Variants in EIF4G3 observed in about 807,000 individuals in gnomAD.
EIF4G3 encodes eukaryotic translation initiation factor 4 gamma 3.
A neutral mutation model predicts 186.4 loss-of-function variants in EIF4G3; 34 were observed. The ratio of observed to expected loss-of-function variants is 0.18; its 90% CI spans 0.14 to 0.24. The LOEUF is 0.24. EIF4G3 is among the 10% of genes least tolerant of loss of function. The pLI is 1.00. For synonymous variants in EIF4G3, 673 were observed against 679.5 expected, an observed-to-expected ratio of 0.99 and a Z score of 0.15; for missense variants, 1,536 against 1,948.5, an observed-to-expected ratio of 0.79 and a Z score of 3.99.
At chr1:20,813,511 G>A (rs1300293751) in intron 34 of EIF4G3, among the ~76,000 whole-genome samples, 1 of 151,488 alleles carries the variant, frequency 6.6e-6, no homozygotes, top group African/African-American at 2.4e-5. Flanking sequence ...TGAGGCTGCA[G>A]TAAGCAATGA....
In EIF4G3 at chr1:20,950,104, G is replaced by A. The variant is rs2096139299; in HGVS notation, c.722C>T (p.Pro241Leu). 7 of 1,584,302 alleles carry A rather than the reference G, an allele frequency of 4.4e-6. No homozygotes were observed. The highest frequency in any genetic ancestry group is 1.4e-5 in the African/African-American group (1 of 73,070). ...AGGGCTGTGCTCGGGGACCTGGCTG[G>A]GCAGCTGCTGGGATTTGAAGTACAA... ...TSTPTPPQQL[P>L]SQVPEHSPVV... The change falls in exon 13 of 37, where the codon CCC (proline) becomes CTC (leucine). Residue 241 changes from proline to leucine, a missense_variant. Pro to Leu is a moderately conservative substitution (Grantham distance 98, BLOSUM62 -3). Coordinates refer to ENST00000602326, the MANE Select transcript of EIF4G3 (RefSeq NM_001391906.1).
At chr1:20,860,938 A>C (rs2076184235) in intron 23 of EIF4G3, among the ~76,000 whole-genome samples, 1 of 152,242 alleles carries the variant, frequency 6.6e-6, no homozygotes, top group African/African-American at 2.4e-5. Flanking sequence ...TACTACTCAG[A>C]TCATATCACA....
chr1:20,826,582 C>T (rs1432970192), intron 32 of EIF4G3, among the ~76,000 whole-genome samples: 4 of 146,946 alleles, frequency 2.7e-5, no homozygotes, highest in African/African-American at 5.0e-5. Flanking sequence ...CTCTGCCTCC[C>T]GGGTTCAAGC....
At chr1:21,156,772 T>C (rs1234720262) in intron 2 of EIF4G3, among the ~76,000 whole-genome samples, 4 of 152,092 alleles carry the variant, frequency 2.6e-5, no homozygotes, top group African/African-American at 4.8e-5. Flanking sequence ...AGCAAAACCT[T>C]GGAAAACCTT....
intron 17 of EIF4G3, 112 bp downstream of exon 17, chr1:20,895,256 C>T: frequency 1.7e-6 from 2 of 1,202,502 alleles, no homozygotes; most frequent in Admixed American, 2.4e-5. Context: ...GATATTTTTA[C>T]ATCATTTGGT....
In EIF4G3 at chr1:21,176,366, C is replaced by G; in HGVS notation, c.-455-8G>C. ...CTGCTGCAGTCGCTGTGCCTGATTT[C>G]AGAGCCGGTTTCTGCGGTAAACTCA... On this transcript the variant is annotated splice_region_variant and splice_polypyrimidine_tract_variant and intron_variant, in intron 1 of 36. Transcript: ENST00000602326. 1 of 258,114 alleles carries G rather than the reference C, an allele frequency of 3.9e-6. No homozygotes were observed. The highest frequency in any genetic ancestry group is 7.2e-6 in the Non-Finnish European group (1 of 139,488). The allele number at this position is 258,114 out of a possible 1,614,324, so 16.0% of individuals were successfully genotyped here. A position where few individuals can be genotyped will look rare whatever the true frequency, so the allele number is the denominator to read the frequency against.
intron 4 of EIF4G3, 104 bp downstream of exon 4, chr1:21,050,757 TTACTA>T: frequency 3.3e-6 from 2 of 611,114 alleles, no homozygotes; most frequent in Non-Finnish European, 5.8e-6. Flanking sequence ...AAACTTGAAA[TTACTA>T]TACAAGTAAT....
At chr1:20,997,048 T>A (rs1175918014) in intron 7 of EIF4G3, among the ~76,000 whole-genome samples, 1 of 152,174 alleles carries the variant, frequency 6.6e-6, no homozygotes, top group Non-Finnish European at 1.5e-5. Context: ...TAAAGTTATT[T>A]AAATTAATTA....
intron 2 of EIF4G3, among the ~76,000 whole-genome samples, chr1:21,113,780 C>T (rs2096769618): frequency 6.6e-6 from 1 of 152,128 alleles, no homozygotes. Context: ...CTTTGGGAGG[C>T]TGAGGCAGGA....
At chr1:21,013,037 T>C (rs2087671455) in intron 4 of EIF4G3, among the ~76,000 whole-genome samples, 1 of 152,060 alleles carries the variant, frequency 6.6e-6, no homozygotes, top group Non-Finnish European at 1.5e-5. Flanking sequence ...GTAGAAGCAG[T>C]AGCAAGAAGA....
intron 2 of EIF4G3, among the ~76,000 whole-genome samples, chr1:21,158,365 G>A (rs547470154): frequency 2.6e-5 from 4 of 151,476 alleles, no homozygotes; most frequent in African/African-American, 4.9e-5. Context: ...TGGTAGAGGC[G>A]AGGTTTTGCC....
chr1:21,100,918 G>A (rs2096501621), intron 2 of EIF4G3, among the ~76,000 whole-genome samples: 1 of 152,036 alleles, frequency 6.6e-6, no homozygotes, highest in Non-Finnish European at 1.5e-5. Context: ...GACTTCACAA[G>A]ATGGAAACCA....
intron 35 of EIF4G3, among the ~76,000 whole-genome samples, chr1:20,812,903 G>GC (rs934097269): frequency 5.8e-4 from 88 of 152,250 alleles, no homozygotes; most frequent in African/African-American, 2.0e-3. Flanking sequence ...AAAGCTACAC[G>GC]CAACGTAGTG....
chr1:20,927,712 TACAA>T (rs1479601138), intron 14 of EIF4G3, among the ~76,000 whole-genome samples: 2 of 152,184 alleles, frequency 1.3e-5, no homozygotes, highest in African/African-American at 2.4e-5. Context: ...GGGACCAAGT[TACAA>T]ACAAAGAAAC....
chr1:21,127,892 C>T (rs1161371772), intron 2 of EIF4G3, among the ~76,000 whole-genome samples: 3 of 151,984 alleles, frequency 2.0e-5, no homozygotes, highest in African/African-American at 7.2e-5. Context: ...AGTTAAAATC[C>T]ACTCATGGAA....
At chr1:21,079,220 G>A (rs908587015) in intron 3 of EIF4G3, among the ~76,000 whole-genome samples, 1 of 152,098 alleles carries the variant, frequency 6.6e-6, no homozygotes, top group Non-Finnish European at 1.5e-5. Context: ...TGTCTCTGGC[G>A]AGGTATCTCC....
chr1:20,912,020 T>C (rs1189402222), intron 14 of EIF4G3, among the ~76,000 whole-genome samples: 6 of 152,126 alleles, frequency 3.9e-5, no homozygotes, highest in African/African-American at 1.2e-4. Context: ...CCAGGTATGG[T>C]GGCTCATGCC....
chr1:21,158,500 G>C (rs887239483), intron 2 of EIF4G3, among the ~76,000 whole-genome samples: 7 of 151,936 alleles, frequency 4.6e-5, no homozygotes, highest in Non-Finnish European at 5.9e-5. Context: ...TGAAGAAAAG[G>C]GGTTATTTTT....
rs1343869313 is a variant in EIF4G3 at position 21,076,646 on chromosome 1, T to G, written c.-196+12492A>C. The stretch of plus-strand genomic sequence containing the variant: ...ATCAAGAAACAAATCCATTTATTTA[T>G]AGCCAATTCATTTTTTTAAGGGTGC... On this transcript the variant is annotated intron_variant, in intron 3 of 36. Coordinates refer to ENST00000602326, the MANE Select transcript of EIF4G3 (RefSeq NM_001391906.1). 2.0e-5 allele frequency among the ~76,000 whole-genome samples: 3 copies of G among 152,156 alleles called. No homozygotes were observed. In the East Asian group the frequency reaches 5.8e-4, roughly 29 times the overall value.
Sources: gnomAD v4.1 joint callset for allele counts (sites outside exome capture counted in the v4.1 genomes callset) on GRCh38, gnomAD v4.1.1 for gene constraint, MANE v1.5 for transcripts, NCBI Gene and HGNC (gene_info 2026-07-23, HGNC 2026-07-21) for gene names.